The following DNAH1 variants were observed in gnomAD, a reference collection of about 807,000 sequenced individuals.
DNAH1 encodes the protein dynein axonemal heavy chain 1, also known as axonemal beta dynein heavy chain 1.
DNAH1 carries 327 observed loss-of-function variants against 484.3 expected under a neutral mutation model. That is an observed-to-expected ratio of 0.68 (90% CI 0.62 to 0.74). DNAH1 has a LOEUF of 0.74. Among genes scored for constraint, DNAH1 ranks in the 30% least tolerant of loss-of-function variants. The pLI, the probability that DNAH1 is intolerant of heterozygous loss-of-function variation, is 0.00. For missense variants in DNAH1, 5,052 were observed against 5,546.8 expected (o/e 0.91, Z 2.83); for synonymous variants, 2,192 against 2,191.9 (o/e 1.00, Z 0.00).
chr3:52,396,812 G>C lies in DNAH1; in HGVS notation c.11610+15G>C, dbSNP rs777376051. 3 of 1,612,734 alleles carry C rather than the reference G, an allele frequency of 1.9e-6. No individual in the cohort carries two copies. The highest frequency in any genetic ancestry group is 2.2e-5 in the East Asian group (1 of 44,870). ...TCCCCTACAAGGTGGGCCTGGGGCA[G>C]ACTGGGGCCTGGGGGACTGGGCACT... On this transcript the variant is annotated intron_variant, in intron 72 of 77. Coordinates refer to ENST00000420323, the MANE Select transcript of DNAH1 (RefSeq NM_015512.5).
chr3:52,383,499 T>C lies in DNAH1; in HGVS notation c.8055T>C (p.Tyr2685=), dbSNP rs1317588033. The change falls in exon 51 of 78, where the codon TAT becomes TAC. Residue 2685 remains tyrosine (Y), a synonymous_variant. Coordinates refer to ENST00000420323, the MANE Select transcript of DNAH1 (RefSeq NM_015512.5). The part of the protein sequence containing the change: ...QDQIVSTMRP[Y]IQEQGLQPTK... ...AGATCGTCAGCACCATGCGGCCCTA[T>C]ATCCAGGAGCAGGGCCTACAGCCCA... The C allele has an allele frequency of 1.9e-6, 3 of 1,613,892 alleles. No homozygotes were observed. Among genetic ancestry groups the C allele is most frequent in the Non-Finnish European group, 2.5e-6 (3 of 1,179,834 alleles).
In DNAH1 at chr3:52,364,099, G is replaced by C. The variant is rs1308967270; in HGVS notation, c.5245-539G>C. ...ATTTCTGGAACATATGCTAGTCTAT[G>C]GGTTGGGTCTAGATGGAGTCCTCTT... On this transcript the variant is annotated intron_variant, in intron 32 of 77. Transcript: ENST00000420323. This position sits in a 1 kb window ranked among gnomAD's most constrained non-coding sequence, Gnocchi z 4.2. 6.6e-6 allele frequency among the ~76,000 whole-genome samples: 1 copy of C among 152,242 alleles called. No individual in the cohort carries two copies. Among genetic ancestry groups the C allele is most frequent in the Non-Finnish European group, 1.5e-5 (1 of 68,038 alleles).
rs375272387 is a variant in DNAH1 at position 52,364,920 on chromosome 3, G to A, written c.5419G>A (p.Asp1807Asn). The A allele has an allele frequency of 3.8e-5, 62 of 1,613,848 alleles. No homozygotes were observed. The highest frequency in any genetic ancestry group is 1.8e-4 in the East Asian group (8 of 44,884). ...DLKLFSGIVS[D>N]LFPTIKEEDT... ...CAAGCTCTTCTCTGGCATCGTGTCC[G>A]ACCTGTTTCCCACCATCAAGGAGGA... Residue 1807 changes from aspartate (D) to asparagine (N), a missense_variant, in exon 34 of 78, where the codon GAC becomes AAC. Coordinates refer to ENST00000420323, the MANE Select transcript of DNAH1 (RefSeq NM_015512.5). This position sits in a 1 kb window ranked among gnomAD's most constrained non-coding sequence, Gnocchi z 4.2.
In DNAH1 at chr3:52,352,592, G is replaced by T. The variant is rs190420231; in HGVS notation, c.2912G>T (p.Arg971Leu). Reference sequence around the variant, plus strand: ...TTCTCCATCCATGTGGAGATTTCACGTGCACACGAGATCGCCAACGAGGTG... The same window carrying T: ...TTCTCCATCCATGTGGAGATTTCACTTGCACACGAGATCGCCAACGAGGTG... ...AGFSIHVEIS[R>L]AHEIANEVRR... The change falls in exon 18 of 78, where the codon CGT becomes CTT. Residue 971 changes from arginine (R) to leucine (L), a missense_variant. This residue lies in a region of DNAH1 where 7 missense variants were observed against 19.6 expected (regional missense o/e 0.36). Transcript: ENST00000420323. 1.9e-6 allele frequency: 3 copies of T among 1,612,332 alleles called. No individual in the cohort carries two copies. Among genetic ancestry groups the T allele is most frequent in the Non-Finnish European group, 2.5e-6 (3 of 1,179,546 alleles).
chr3:52,361,683 G>A lies in DNAH1; in HGVS notation c.4897G>A (p.Asp1633Asn), dbSNP rs745913547. ...CAGTGCTGGGGCCTGGGCCTGCTTC[G>A]ACGAGTTCAATCGCATCGACATCGA... ...LASAGAWACF[D>N]EFNRIDIEVL... is the part of the protein sequence containing the mutation. Residue 1633 changes from aspartate (D) to asparagine (N), a missense_variant, in exon 30 of 78, where the codon GAC becomes AAC. This residue lies in a region of DNAH1 where 2,929 missense variants were observed against 3,409.4 expected (regional missense o/e 0.86). Transcript: ENST00000420323. The surrounding 1 kb of genome is among the most constrained non-coding windows in gnomAD (Gnocchi z 5.6). The A allele has an allele frequency of 5.6e-6, 9 of 1,609,086 alleles. No individual in the cohort carries two copies. Among genetic ancestry groups the A allele is most frequent in the East Asian group, 4.5e-5 (2 of 44,694 alleles).
In DNAH1 at chr3:52,391,322, C is replaced by G; in HGVS notation, c.9885C>G (p.Leu3295=). 6.2e-7 allele frequency: 1 copy of G among 1,608,678 alleles called. No homozygotes were observed. ...ELDPALEPVL[L]KQTYKQQGNT... is the part of the protein sequence containing the mutation. ...ACCCAGCCCTGGAGCCAGTGCTGCT[C>G]AAGCAGGTGGGTCTGCAGTGGTGAT... The change falls in exon 62 of 78, where the codon CTC becomes CTG. Residue 3295 remains leucine (L), a synonymous_variant. Coordinates refer to ENST00000420323, the MANE Select transcript of DNAH1 (RefSeq NM_015512.5).
At chr3:52,325,691 G>A (rs1288202843) in intron 3 of DNAH1, among the ~76,000 whole-genome samples, 2 of 152,188 alleles carry the variant, frequency 1.3e-5, no homozygotes, top group Admixed American at 6.5e-5. Context: ...ACAGTATCCA[G>A]GATGCCTCAA....
chr3:52,392,480 C>G lies in DNAH1; in HGVS notation c.10069C>G (p.Leu3357Val). The change falls in exon 64 of 78, where the codon CTA becomes GTA. Residue 3357 changes from leucine (L) to valine (V), a missense_variant. Leu to Val is a conservative substitution (Grantham distance 32). This residue lies in a region of DNAH1 where 2,929 missense variants were observed against 3,409.4 expected (regional missense o/e 0.86). Coordinates refer to ENST00000420323, the MANE Select transcript of DNAH1 (RefSeq NM_015512.5). Reference protein sequence around the residue: ...TLSPSGLEDQLLGQVVAEERP... With the variant: ...TLSPSGLEDQVLGQVVAEERP... ...CCCCGGCAGTGGCCTAGAGGACCAGCTACTGGGCCAGGTAGTGGCAGAGGA... is the reference window on the plus strand; with the variant it reads ...CCCCGGCAGTGGCCTAGAGGACCAGGTACTGGGCCAGGTAGTGGCAGAGGA... 4 of 1,613,742 alleles carry G rather than the reference C, an allele frequency of 2.5e-6. No homozygotes were observed. Among genetic ancestry groups the G allele is most frequent in the Non-Finnish European group, 3.4e-6 (4 of 1,179,878 alleles).
At chr3:52,348,070 C>T in intron 12 of DNAH1, 96 bp downstream of exon 12, 1 of 1,313,220 alleles carries the variant, frequency 7.6e-7, no homozygotes. Context: ...AACTGTATCA[C>T]AGGCCTCCTG....
At chr3:52,383,619 C>A in intron 51 of DNAH1, 25 bp downstream of exon 51, 3 of 1,539,088 alleles carry the variant, frequency 1.9e-6, no homozygotes, top group South Asian at 1.2e-5. Flanking sequence ...CGCCAGGCTG[C>A]GCTGGGGCAG....
Position 52,394,476 on chromosome 3 carries a change from A to C in DNAH1, c.10638A>C (p.Arg3546=). The C allele has an allele frequency of 6.2e-7, 1 of 1,613,970 alleles. No homozygotes were observed. Among genetic ancestry groups the C allele is most frequent in the Non-Finnish European group, 8.5e-7 (1 of 1,179,858 alleles). Residue 3546 remains arginine, a synonymous_variant, in exon 67 of 78, where the codon CGA becomes CGC. Coordinates refer to ENST00000420323, the MANE Select transcript of DNAH1 (RefSeq NM_015512.5). ...NEGKINQSEW[R]YLLSGGSISI... ...CTGTCCCCTGCCAGAGTGAGTGGCG[A>C]TACCTCCTGTCTGGGGGCTCCATCT...
At chr3:52,376,520 C>T (rs983352030) in intron 46 of DNAH1, among the ~76,000 whole-genome samples, 1 of 152,222 alleles carries the variant, frequency 6.6e-6, no homozygotes, top group Admixed American at 6.5e-5. Flanking sequence ...CCTGCCTTCC[C>T]TCCTGTGGCT....
Position 52,396,776 on chromosome 3 carries a change from A to C in DNAH1, c.11589A>C (p.Glu3863Asp), listed in dbSNP as rs1024849505. ...CISQLKMFLD[E>D]YDDIPYKVLK... ...GCCAGCTCAAGATGTTCCTGGACGA[A>C]TATGATGACATCCCCTACAAGGTGG... The change falls in exon 72 of 78, where the codon GAA (glutamate) becomes GAC (aspartate). Residue 3863 changes from glutamate (E) to aspartate (D), a missense_variant. Physicochemically the swap from Glu to Asp is conservative, Grantham distance 45 (BLOSUM62 2). Around this residue, in one of 4 missense-constraint regions of DNAH1, gnomAD observed 853 missense variants for 899.0 expected, o/e 0.95. Transcript: ENST00000420323. The C allele has an allele frequency of 1.2e-6, 2 of 1,613,546 alleles. No homozygotes were observed. Among genetic ancestry groups the C allele is most frequent in the Non-Finnish European group, 1.7e-6 (2 of 1,179,810 alleles).
Position 52,399,598 on chromosome 3 carries a change from T to C in DNAH1, c.12495T>C (p.Tyr4165=). 1 of 1,613,994 alleles carries C rather than the reference T, an allele frequency of 6.2e-7. No homozygotes were observed. Among genetic ancestry groups the C allele is most frequent in the Non-Finnish European group, 8.5e-7 (1 of 1,179,882 alleles). The change falls in exon 77 of 78, where the codon TAT becomes TAC. Residue 4165 remains tyrosine, a synonymous_variant. Transcript: ENST00000420323. ...ELTQRPQVGC[Y]IHGLFLEGAR... The stretch of plus-strand genomic sequence containing the variant: ...CACAAAGACCCCAAGTAGGGTGCTA[T>C]ATCCATGGATTATTCCTGGAAGGTG...
intron 56 of DNAH1, 41 bp from the exon 57 acceptor site, chr3:52,388,126 C>T: frequency 6.3e-7 from 1 of 1,584,542 alleles, no homozygotes; most frequent in Non-Finnish European, 8.6e-7. Flanking sequence ...CCCTGTCACC[C>T]TTGAGAAGCA....
intron 6 of DNAH1, 33 bp from the exon 7 acceptor site, chr3:52,331,115 G>T (rs777073051): frequency 5.1e-6 from 8 of 1,560,558 alleles, no homozygotes; most frequent in Non-Finnish European, 6.9e-6. Flanking sequence ...CCCATGGCGG[G>T]GGGCACTGGT....
chr3:52,365,800 G>A (rs1294229844), intron 34 of DNAH1, among the ~76,000 whole-genome samples: 2 of 152,172 alleles, frequency 1.3e-5, no homozygotes, highest in Non-Finnish European at 2.9e-5. Context: ...AATTCCATGT[G>A]CAGCTCGAAT....
intron 52 of DNAH1, 145 bp downstream of exon 52, chr3:52,384,176 C>T: frequency 1.1e-6 from 1 of 881,538 alleles, no homozygotes; most frequent in South Asian, 1.9e-5. Flanking sequence ...GTCTAAGCCT[C>T]CATTTCCTCA....
rs753771532 is a variant in DNAH1 at position 52,366,858 on chromosome 3, C to T, written c.5736C>T (p.Tyr1912=). 3.7e-6 allele frequency: 6 copies of T among 1,613,550 alleles called. No individual in the cohort carries two copies. The highest frequency in any genetic ancestry group is 1.3e-5 in the African/African-American group (1 of 74,902). The change falls in exon 36 of 78, where the codon TAC becomes TAT. Residue 1912 remains tyrosine, a synonymous_variant. Transcript: ENST00000420323. ...NPKSITMGQL[Y]GEFDLLTHEW... is the part of the protein sequence containing the mutation. ...AGTCCATCACGATGGGCCAGCTGTA[C>T]GGGGAGTTTGACCTCCTCACCCATG...
Sources: gnomAD v4.1 joint callset for allele counts (sites outside exome capture counted in the v4.1 genomes callset) on GRCh38, gnomAD v4.1.1 for gene constraint, gnomAD v4.1.1 regional missense constraint, Gnocchi (gnomAD v3.1) non-coding constraint, MANE v1.5 for transcripts, NCBI Gene and HGNC (gene_info 2026-07-23, HGNC 2026-07-21) for gene names.